The following NTNG2 variants were observed in gnomAD, a reference collection of about 807,000 sequenced individuals.
The protein encoded by NTNG2 is netrin-G2.
In NTNG2, 15 loss-of-function variants were observed where a neutral mutation model predicts 47.6. The ratio of observed to expected loss-of-function variants is 0.32; its 90% CI spans 0.21 to 0.49. The LOEUF is 0.49. NTNG2 is among the 20% of genes least tolerant of loss of function. The pLI is 0.99. For missense variants in NTNG2, 578 were observed against 764.6 expected, an observed-to-expected ratio of 0.76 and a Z score of 2.88; for synonymous variants, 307 against 324.6, an observed-to-expected ratio of 0.95 and a Z score of 0.58.
intron 2 of NTNG2, among the ~76,000 whole-genome samples, chr9:132,183,289 G>A (rs1370025299): frequency 1.3e-5 from 2 of 152,160 alleles, no homozygotes; most frequent in Non-Finnish European, 2.9e-5. Flanking sequence ...GGCTGTCACG[G>A]GCGCTGCTTA....
intron 4 of NTNG2, among the ~76,000 whole-genome samples, chr9:132,227,797 G>A (rs984198256): frequency 7.9e-5 from 12 of 152,308 alleles, no homozygotes; most frequent in Non-Finnish European, 1.0e-4. Flanking sequence ...GCGCGCTAGC[G>A]TAGTCCACAC....
At chr9:132,191,195 C>T (rs541965559) in intron 2 of NTNG2, among the ~76,000 whole-genome samples, 2 of 152,308 alleles carry the variant, frequency 1.3e-5, no homozygotes, top group Admixed American at 6.5e-5. Context: ...AATCATCACA[C>T]TCTTCTGAGT....
chr9:132,222,913 C>A (rs1024241680), intron 3 of NTNG2, among the ~76,000 whole-genome samples: 1 of 152,122 alleles, frequency 6.6e-6, no homozygotes, highest in Non-Finnish European at 1.5e-5. Context: ...GAGTTTGAGA[C>A]CAGCCTGGGC....
At chr9:132,170,132 G>T (rs992305329) in intron 2 of NTNG2, among the ~76,000 whole-genome samples, 1 of 152,206 alleles carries the variant, frequency 6.6e-6, no homozygotes, top group Non-Finnish European at 1.5e-5. Flanking sequence ...CACTCCGAGG[G>T]TACAGGAGGG....
intron 5 of NTNG2, among the ~76,000 whole-genome samples, chr9:132,235,614 C>T (rs1429642601): frequency 2.6e-5 from 4 of 152,174 alleles, no homozygotes; most frequent in Non-Finnish European, 5.9e-5. Flanking sequence ...GCACCACCCC[C>T]TCGCATAACT....
In NTNG2 at chr9:132,223,569, C is replaced by T. The variant is rs1040621477; in HGVS notation, c.858-3280C>T. Among the ~76,000 whole-genome samples the T allele has an allele frequency of 2.6e-5, 4 of 152,168 alleles. No homozygotes were observed. The South Asian group carries it at 8.3e-4, about 31-fold the overall frequency. On this transcript the variant is annotated intron_variant, in intron 3 of 7. Coordinates refer to ENST00000393229, the MANE Select transcript of NTNG2 (RefSeq NM_032536.4). ...GCCAGTTACACATCCTCAAAACAATCTCTGAATGGACGAGAGCCAGTCAGG... is the reference window on the plus strand; with the variant it reads ...GCCAGTTACACATCCTCAAAACAATTTCTGAATGGACGAGAGCCAGTCAGG...
At chr9:132,191,103 G>A (rs537600345) in intron 2 of NTNG2, among the ~76,000 whole-genome samples, 3 of 152,296 alleles carry the variant, frequency 2.0e-5, no homozygotes, top group South Asian at 4.1e-4. Context: ...CCTCCTGTGG[G>A]TTGCTGAGAG....
At position 132,198,482 on chromosome 9, in the gene NTNG2, A is replaced by G; in HGVS notation, c.730A>G (p.Lys244Glu). 6.2e-7 allele frequency: 1 copy of G among 1,610,316 alleles called. No individual in the cohort carries two copies. The highest frequency in any genetic ancestry group is 8.5e-7 in the Non-Finnish European group (1 of 1,177,892). ...YTRLESAKGL[K>E]EFFTLTDLRM... ...GCGGCTGGAGAGCGCCAAGGGCCTC[A>G]AGGAGTTCTTCACCCTCACCGACCT... The change falls in exon 3 of 8, where the codon AAG becomes GAG. Residue 244 changes from lysine (K) to glutamate (E), a missense_variant. Transcript: ENST00000393229.
intron 5 of NTNG2, 107 bp downstream of exon 5, chr9:132,230,702 G>A (rs1349143110): frequency 1.8e-5 from 22 of 1,200,838 alleles, no homozygotes; most frequent in Middle Eastern, 1.9e-4. Flanking sequence ...TCCCCTCTGG[G>A]ACTTGGGCCT....
intron 3 of NTNG2, among the ~76,000 whole-genome samples, chr9:132,222,855 C>T (rs1227437493): frequency 1.3e-5 from 2 of 152,188 alleles, no homozygotes; most frequent in Admixed American, 1.3e-4. Context: ...CCTATAATCC[C>T]AGCACTTTGG....
At chr9:132,170,056 C>T (rs1211336273) in intron 2 of NTNG2, among the ~76,000 whole-genome samples, 1 of 152,146 alleles carries the variant, frequency 6.6e-6, no homozygotes, top group Non-Finnish European at 1.5e-5. Context: ...TGCTCCCCTT[C>T]GCCCCTTCAG....
chr9:132,184,435 A>T (rs1837183161), intron 2 of NTNG2, among the ~76,000 whole-genome samples: 1 of 152,228 alleles, frequency 6.6e-6, no homozygotes, highest in Admixed American at 6.5e-5. Context: ...CGAAGAAGCC[A>T]CTGGGGAAAA....
At chr9:132,190,468 A>G (rs1837799092) in intron 2 of NTNG2, among the ~76,000 whole-genome samples, 1 of 152,048 alleles carries the variant, frequency 6.6e-6, no homozygotes, top group Admixed American at 6.6e-5. Context: ...GGCCAGCTGC[A>G]TGACGTTGTC....
At chr9:132,192,168 A>G (rs1436569833) in intron 2 of NTNG2, among the ~76,000 whole-genome samples, 1 of 152,202 alleles carries the variant, frequency 6.6e-6, no homozygotes, top group Admixed American at 6.5e-5. Context: ...CACTCAGAGG[A>G]GACACTCCCA....
In NTNG2 at chr9:132,241,036, G is replaced by A; in HGVS notation, c.1349G>A (p.Gly450Asp). 6.2e-7 allele frequency: 1 copy of A among 1,601,270 alleles called. No individual in the cohort carries two copies. Among genetic ancestry groups the A allele is most frequent in the Non-Finnish European group, 8.5e-7 (1 of 1,177,360 alleles). ...CTCCCCACGCACTACTGGCGCCAGG[G>A]CTGCTACCGTGAGTGCGCGCCGTCC... is the stretch of plus-strand genomic sequence containing the variant. ...DCLPTHYWRQGCYPNVCDDDQ... is the reference protein window; with the variant it reads ...DCLPTHYWRQDCYPNVCDDDQ... The change falls in exon 7 of 8, where the codon GGC becomes GAC. Residue 450 changes from glycine to aspartate, a missense_variant. Transcript: ENST00000393229.
chr9:132,241,908 C>A lies in NTNG2; in HGVS notation c.1390C>A (p.Gln464Lys). The A allele has an allele frequency of 6.3e-7, 1 of 1,577,580 alleles. No homozygotes were observed. Among genetic ancestry groups the A allele is most frequent in the East Asian group, 2.4e-5 (1 of 41,660 alleles). The change falls in exon 8 of 8, where the codon CAG (glutamine) becomes AAG (lysine). Residue 464 changes from glutamine (Q) to lysine (K), a missense_variant. Coordinates refer to ENST00000393229, the MANE Select transcript of NTNG2 (RefSeq NM_032536.4). ...NVCDDDQLLCQNGGTCLQNQR... is the reference protein window; with the variant it reads ...NVCDDDQLLCKNGGTCLQNQR... ...GTGCGACGACGACCAGCTGCTGTGCCAGAACGGAGGCACCTGCCTGCAGAA... is the reference window on the plus strand; with the variant it reads ...GTGCGACGACGACCAGCTGCTGTGCAAGAACGGAGGCACCTGCCTGCAGAA...
At chr9:132,204,511 C>G (rs537637735) in intron 3 of NTNG2, among the ~76,000 whole-genome samples, 7 of 151,900 alleles carry the variant, frequency 4.6e-5, no homozygotes, top group Non-Finnish European at 1.0e-4. Flanking sequence ...ATTCCTGTAC[C>G]CACCCTCCCT....
chr9:132,196,895 C>T (rs999854820), intron 2 of NTNG2, among the ~76,000 whole-genome samples: 1 of 152,222 alleles, frequency 6.6e-6, no homozygotes, highest in Non-Finnish European at 1.5e-5. Context: ...GGGGTTCCCA[C>T]GACCCCTCCC....
At position 132,198,422 on chromosome 9, in the gene NTNG2, G is replaced by C. The variant is rs1358108964; in HGVS notation, c.670G>C (p.Gly224Arg). The change falls in exon 3 of 8, where the codon GGC becomes CGC. Residue 224 changes from glycine (G) to arginine (R), a missense_variant. Transcript: ENST00000393229. ...EVRDRFAIFA[G>R]PDLRNMDNLY... is the part of the protein sequence containing the mutation. Reference sequence around the variant, plus strand: ...GCGGGACCGCTTCGCCATCTTTGCCGGCCCCGACCTGCGCAACATGGACAA... The same window carrying C: ...GCGGGACCGCTTCGCCATCTTTGCCCGCCCCGACCTGCGCAACATGGACAA... The C allele has an allele frequency of 6.2e-7, 1 of 1,613,080 alleles. No individual in the cohort carries two copies. Among genetic ancestry groups the C allele is most frequent in the Non-Finnish European group, 8.5e-7 (1 of 1,179,978 alleles).
Sources: allele counts gnomAD v4.1 joint callset (sites outside exome capture counted in the v4.1 genomes callset), GRCh38; gene constraint gnomAD v4.1.1; transcripts MANE v1.5; gene names NCBI Gene and HGNC (gene_info 2026-07-23, HGNC 2026-07-21).